The following FMN1 variants were observed in gnomAD, a reference collection of about 807,000 sequenced individuals.
FMN1 encodes formin 1.
FMN1 carries 110 observed loss-of-function variants against 132.4 expected under a neutral mutation model. That is an observed-to-expected ratio of 0.83 (90% CI 0.71 to 0.97). The LOEUF (loss-of-function observed/expected upper bound fraction) is 0.97. FMN1 is among the 50% of genes least tolerant of loss of function. The pLI is 0.00. For missense variants in FMN1, 1,792 were observed against 1,705.3 expected (o/e 1.05, Z -0.90); for synonymous variants, 722 against 651.7 (o/e 1.11, Z -1.64).
chr15:33,157,446 G>A (rs1402640306), intron 3 of FMN1, among the ~76,000 whole-genome samples: 1 of 151,948 alleles, frequency 6.6e-6, no homozygotes, highest in African/African-American at 2.4e-5. Flanking sequence ...TTACAGATGA[G>A]GAAACTGAAA....
chr15:33,104,890 G>T (rs1400669924), intron 4 of FMN1, among the ~76,000 whole-genome samples: 2 of 152,042 alleles, frequency 1.3e-5, no homozygotes, highest in Non-Finnish European at 2.9e-5. Context: ...CTTAATATTT[G>T]CACCATCCAA....
chr15:32,776,890 T>A lies in FMN1; in HGVS notation c.4160A>T (p.Lys1387Met). The A allele has an allele frequency of 6.3e-7, 1 of 1,595,714 alleles. No homozygotes were observed. Among genetic ancestry groups the A allele is most frequent in the South Asian group, 1.1e-5 (1 of 87,932 alleles). ...RLKMAQESVSKLTSEKKVETK... is the reference protein window; with the variant it reads ...RLKMAQESVSMLTSEKKVETK... ...CTCCACTTTCTTCTCTGAAGTCAAC[T>A]TGCTGACTGATTCCTGAGCCATTTT... Residue 1387 changes from lysine to methionine, a missense_variant, in exon 20 of 21, where the codon AAG becomes ATG. This residue lies in a region of FMN1 where 1,150 missense variants were observed against 1,043.1 expected (regional missense o/e 1.10). Coordinates refer to ENST00000616417, the MANE Select transcript of FMN1 (RefSeq NM_001277313.2).
At chr15:33,044,130 G>T (rs769914842) in intron 6 of FMN1, among the ~76,000 whole-genome samples, 3 of 152,222 alleles carry the variant, frequency 2.0e-5, no homozygotes, top group Non-Finnish European at 4.4e-5. Flanking sequence ...AGCCCCCTGG[G>T]GCCTTGGTGC....
At chr15:32,905,378 T>TA (rs2060398190) in intron 12 of FMN1, among the ~76,000 whole-genome samples, 1 of 152,242 alleles carries the variant, frequency 6.6e-6, no homozygotes, top group African/African-American at 2.4e-5. Flanking sequence ...TAACAGAGTC[T>TA]ACTGTGTGGG....
chr15:32,841,152 C>T (rs16959629), intron 17 of FMN1, among the ~76,000 whole-genome samples: 2,119 of 152,280 alleles, frequency 0.014, 47 homozygotes, highest in African/African-American at 0.048. Context: ...CATCACAGTT[C>T]GTGGGAAACA....
At position 32,775,011 on chromosome 15, in the gene FMN1, C is replaced by T. The variant is rs2056371459; in HGVS notation, c.4216-657G>A. Among the ~76,000 whole-genome samples the T allele has an allele frequency of 2.0e-5, 3 of 152,112 alleles. No homozygotes were observed. In the South Asian group the frequency reaches 6.2e-4, roughly 31 times the overall value. On this transcript the variant is annotated intron_variant, in intron 20 of 20. Coordinates refer to ENST00000616417, the MANE Select transcript of FMN1 (RefSeq NM_001277313.2). The stretch of plus-strand genomic sequence containing the variant: ...CATGGTATCTGTGACACTAGGGAAG[C>T]ACACATATCAGTATGGTAAGGATGG...
At chr15:33,131,052 G>C (rs558275105) in intron 4 of FMN1, among the ~76,000 whole-genome samples, 2 of 152,118 alleles carry the variant, frequency 1.3e-5, no homozygotes, top group African/African-American at 4.8e-5. Flanking sequence ...GTATTAGGCC[G>C]GGTGCGGTGG....
In FMN1 at chr15:33,105,317, C is replaced by T. The variant is rs142016994; in HGVS notation, c.1868-16343G>A. Among the ~76,000 whole-genome samples, 662 of 152,040 alleles carry T rather than the reference C, an allele frequency of 4.4e-3. 4 individuals carry two copies. Among genetic ancestry groups the T allele is most frequent in the African/African-American group, 0.015 (637 of 41,510 alleles). On this transcript the variant is annotated intron_variant, in intron 4 of 20. Coordinates refer to ENST00000616417, the MANE Select transcript of FMN1 (RefSeq NM_001277313.2). ...TCCTCCTGTCAAGAAAAAAATAAAA[C>T]GGACAATAAAAGGGTAGGGGTTGCA...
chr15:32,930,671 TTTTCA>T (rs1319921845), intron 9 of FMN1, among the ~76,000 whole-genome samples: 1 of 152,046 alleles, frequency 6.6e-6, no homozygotes, highest in Non-Finnish European at 1.5e-5. Context: ...AGCAGAAGCT[TTTTCA>T]TTTAACATAG....
intron 9 of FMN1, among the ~76,000 whole-genome samples, chr15:32,946,158 G>A (rs886332052): frequency 1.9e-4 from 29 of 152,102 alleles, no homozygotes; most frequent in African/African-American, 6.8e-4. Flanking sequence ...TAGGGTTTGC[G>A]GTGTTATGTC....
intron 3 of FMN1, among the ~76,000 whole-genome samples, chr15:33,171,686 C>T (rs1247219861): frequency 6.6e-6 from 1 of 152,012 alleles, no homozygotes; most frequent in African/African-American, 2.4e-5. Flanking sequence ...TACAACATTT[C>T]CCTATTTCTT....
chr15:32,856,990 A>C, intron 17 of FMN1, 25 bp downstream of exon 17: 2 of 1,522,216 alleles, frequency 1.3e-6, no homozygotes, highest in African/African-American at 2.7e-5. Flanking sequence ...GGCCACGTGT[A>C]TGTGCGGCTG....
chr15:33,024,478 C>T lies in FMN1; in HGVS notation c.2162-16403G>A, dbSNP rs562574316. On this transcript the variant is annotated intron_variant, in intron 6 of 20. Transcript: ENST00000616417. ...AGCCAGGATGGTCTCGATTTCCTGACCTCGCAATCCGCCCACCTCGGCCTC... is the reference window on the plus strand; with the variant it reads ...AGCCAGGATGGTCTCGATTTCCTGATCTCGCAATCCGCCCACCTCGGCCTC... Among the ~76,000 whole-genome samples the T allele has an allele frequency of 1.2e-3, 182 of 151,940 alleles. 2 individuals carry two copies. The highest frequency in any genetic ancestry group is 4.2e-3 in the African/African-American group (173 of 41,436).
At chr15:33,062,218 A>G (rs1178563873) in intron 6 of FMN1, among the ~76,000 whole-genome samples, 1 of 152,240 alleles carries the variant, frequency 6.6e-6, no homozygotes, top group Non-Finnish European at 1.5e-5. Flanking sequence ...TCTACCTATA[A>G]GCATTTATCC....
At chr15:32,876,564 T>C (rs1374173615) in intron 16 of FMN1, among the ~76,000 whole-genome samples, 1 of 152,214 alleles carries the variant, frequency 6.6e-6, no homozygotes, top group African/African-American at 2.4e-5. Context: ...AGAAGAGCTA[T>C]ATGAGAACTC....
intron 16 of FMN1, among the ~76,000 whole-genome samples, chr15:32,864,353 A>G (rs2059344721): frequency 6.6e-6 from 1 of 152,212 alleles, no homozygotes; most frequent in Non-Finnish European, 1.5e-5. Context: ...TCAAGGAGAC[A>G]CCGACATAAG....
intron 17 of FMN1, among the ~76,000 whole-genome samples, chr15:32,852,834 G>A (rs952130437): frequency 1.3e-5 from 2 of 151,954 alleles, no homozygotes; most frequent in South Asian, 4.2e-4. Context: ...TATTATCTGC[G>A]GCCTGTCAGA....
At chr15:32,813,104 GGTATCATAA>G (rs1567209391) in intron 17 of FMN1, among the ~76,000 whole-genome samples, 1 of 152,044 alleles carries the variant, frequency 6.6e-6, no homozygotes, top group Non-Finnish European at 1.5e-5. Flanking sequence ...CATTGTATTA[GGTATCATAA>G]GTAATCTAGA....
At chr15:33,018,704 A>T (rs1200008350) in intron 6 of FMN1, among the ~76,000 whole-genome samples, 1 of 152,010 alleles carries the variant, frequency 6.6e-6, no homozygotes, top group Non-Finnish European at 1.5e-5. Flanking sequence ...GACCCTTGCC[A>T]TGACTGTTAC....
Sources: gnomAD v4.1 joint callset for allele counts (sites outside exome capture counted in the v4.1 genomes callset) on GRCh38, gnomAD v4.1.1 for gene constraint, gnomAD v4.1.1 regional missense constraint, MANE v1.5 for transcripts, NCBI Gene and HGNC (gene_info 2026-07-23, HGNC 2026-07-21) for gene names.